Variants in TMEM196 observed in about 807,000 individuals in gnomAD.
The protein encoded by TMEM196 is transmembrane protein 196.
A neutral mutation model predicts 20.0 loss-of-function variants in TMEM196; 17 were observed. The ratio of observed to expected loss-of-function variants is 0.85; its 90% confidence interval spans 0.58 to 1.27. The LOEUF (loss-of-function observed/expected upper bound fraction) is 1.27. TMEM196 is among the 50% of genes most tolerant of loss of function. The probability of loss-of-function intolerance (pLI) is 0.00; values close to 1 mark genes in which losing one functional copy is unlikely to be tolerated. For missense variants in TMEM196, 267 were observed against 223.0 expected, an observed-to-expected ratio of 1.20 and a Z score of -1.26; for synonymous variants, 113 against 88.9, an observed-to-expected ratio of 1.27 and a Z score of -1.52.
intron 1 of TMEM196, among the ~76,000 whole-genome samples, chr7:19,766,099 G>A (rs544768611): frequency 8.8e-4 from 134 of 152,200 alleles, no homozygotes; most frequent in Middle Eastern, 3.4e-3. Context: ...CATGAAATAG[G>A]TACTAATATT....
chr7:19,733,120 A>G (rs1784272888), intron 1 of TMEM196, among the ~76,000 whole-genome samples: 1 of 152,242 alleles, frequency 6.6e-6, no homozygotes, highest in Admixed American at 6.5e-5. Flanking sequence ...ACACAATAAA[A>G]TAAAATTAGT....
rs564058570 is a variant in TMEM196, at chr7:19,757,601, G to A, written c.147+14949C>T. ...TCCCCTCTAAAAGACTATTCTGTAG[G>A]TCTGAGGGTCTAAGAGGTTTAGTGA... On this transcript the variant is annotated intron_variant, in intron 1 of 4. Transcript: ENST00000405844. 2.0e-5 allele frequency among the ~76,000 whole-genome samples: 3 copies of A among 152,040 alleles called. 1 individual carries two copies. The highest frequency in any genetic ancestry group is 6.5e-5 in the Admixed American group (1 of 15,270).
chr7:19,729,314 T>G, intron 2 of TMEM196, 68 bp downstream of exon 2: 1 of 1,325,706 alleles, frequency 7.5e-7, no homozygotes, highest in Non-Finnish European at 1.0e-6. Context: ...TGGCTAGCCA[T>G]CATTTCTATT....
At chr7:19,761,567 G>A (rs1785436768) in intron 1 of TMEM196, among the ~76,000 whole-genome samples, 1 of 152,180 alleles carries the variant, frequency 6.6e-6, no homozygotes, top group Admixed American at 6.5e-5. Flanking sequence ...CCATCTTGGT[G>A]GCTTAGCAGA....
chr7:19,727,385 A>C (rs1053984795), intron 2 of TMEM196, among the ~76,000 whole-genome samples: 10 of 152,154 alleles, frequency 6.6e-5, no homozygotes, highest in African/African-American at 2.4e-4. Flanking sequence ...CAAGTAGTTA[A>C]TTTCATTTCT....
intron 1 of TMEM196, among the ~76,000 whole-genome samples, chr7:19,755,987 C>G (rs146879529): frequency 3.4e-4 from 52 of 151,652 alleles, no homozygotes; most frequent in African/African-American, 1.1e-3. Context: ...CAAGATTGTG[C>G]CACTGTACTC....
At chr7:19,753,126 C>T (rs1583448443) in intron 1 of TMEM196, among the ~76,000 whole-genome samples, 2 of 152,280 alleles carry the variant, frequency 1.3e-5, no homozygotes. Flanking sequence ...TACTATTCTC[C>T]AGGGTCCATC....
intron 1 of TMEM196, among the ~76,000 whole-genome samples, chr7:19,752,955 G>A (rs1474501055): frequency 2.0e-5 from 3 of 152,046 alleles, no homozygotes. Flanking sequence ...AAATTTCTTG[G>A]CCTGGCATCA....
chr7:19,741,185 T>G (rs1035766935), intron 1 of TMEM196, among the ~76,000 whole-genome samples: 4 of 152,154 alleles, frequency 2.6e-5, no homozygotes, highest in African/African-American at 9.7e-5. Flanking sequence ...TCAAACCTCA[T>G]ATGAATCTCC....
chr7:19,762,549 T>C (rs1452749894), intron 1 of TMEM196, among the ~76,000 whole-genome samples: 2 of 152,184 alleles, frequency 1.3e-5, no homozygotes, highest in African/African-American at 4.8e-5. Flanking sequence ...TTAATGTAGG[T>C]TATTCCAATT....
In TMEM196 at chr7:19,772,753, T is replaced by C; in HGVS notation, c.-57A>G. On this transcript the variant is annotated 5_prime_UTR_variant, in exon 1 of 5. Transcript: ENST00000405844. ...GAGGGAAATCAACCATCTACCTTTT[T>C]TTCTTCCACTATCCTCCTTACCCCT... 1 of 1,408,458 alleles carries C rather than the reference T, an allele frequency of 7.1e-7. No homozygotes were observed. Among genetic ancestry groups the C allele is most frequent in the Non-Finnish European group, 9.4e-7 (1 of 1,066,086 alleles). 87.2% of individuals were successfully genotyped at this position (1,408,458 alleles called of 1,614,324 possible).
At chr7:19,724,074 A>G (rs530465942) in intron 4 of TMEM196, among the ~76,000 whole-genome samples, 14 of 152,298 alleles carry the variant, frequency 9.2e-5, no homozygotes, top group Non-Finnish European at 1.6e-4. Flanking sequence ...AGTATTTTAC[A>G]TACTCAACCA....
intron 1 of TMEM196, among the ~76,000 whole-genome samples, chr7:19,770,892 A>G (rs993525791): frequency 2.6e-5 from 4 of 152,072 alleles, no homozygotes; most frequent in Non-Finnish European, 5.9e-5. Flanking sequence ...GATAAGCTGG[A>G]TACTTTGATA....
At chr7:19,731,374 A>C (rs1784194975) in intron 1 of TMEM196, among the ~76,000 whole-genome samples, 1 of 152,172 alleles carries the variant, frequency 6.6e-6, no homozygotes, top group Admixed American at 6.5e-5. Flanking sequence ...CTAAGTGTAG[A>C]TGATCATGTC....
chr7:19,729,548 A>T, intron 1 of TMEM196, 110 bp from the exon 2 acceptor site: 2 of 992,232 alleles, frequency 2.0e-6, no homozygotes, highest in South Asian at 3.3e-5. Context: ...AGAACATTTT[A>T]AATTTCCTTC....
chr7:19,742,955 GAC>G (rs1047988116), intron 1 of TMEM196, among the ~76,000 whole-genome samples: 52 of 152,102 alleles, frequency 3.4e-4, no homozygotes, highest in African/African-American at 1.1e-3. Flanking sequence ...CAGGTGTTAA[GAC>G]AGTTGTCAGA....
At chr7:19,771,166 G>T (rs1785862207) in intron 1 of TMEM196, among the ~76,000 whole-genome samples, 1 of 152,016 alleles carries the variant, frequency 6.6e-6, no homozygotes, top group South Asian at 2.1e-4. Flanking sequence ...CATATAAAAT[G>T]AACAATTATC....
At chr7:19,756,401 T>TTA (rs1785212698) in intron 1 of TMEM196, among the ~76,000 whole-genome samples, 1 of 152,016 alleles carries the variant, frequency 6.6e-6, no homozygotes, top group Admixed American at 6.6e-5. Context: ...TAGGAGTACA[T>TTA]CTGCAGGTTT....
intron 1 of TMEM196, among the ~76,000 whole-genome samples, chr7:19,746,973 C>T (rs937559996): frequency 6.6e-6 from 1 of 152,060 alleles, no homozygotes; most frequent in African/African-American, 2.4e-5. Context: ...TAGAAAATCC[C>T]GGCCGGGCGT....
Sources: allele counts gnomAD v4.1 joint callset (sites outside exome capture counted in the v4.1 genomes callset), GRCh38; gene constraint gnomAD v4.1.1; transcripts MANE v1.5; gene names NCBI Gene and HGNC (gene_info 2026-07-23, HGNC 2026-07-21).